The following ATAD5 variants were observed in gnomAD, a reference collection of about 807,000 sequenced individuals.
ATAD5 encodes the protein ATPase family AAA domain-containing protein 5.
ATAD5 carries 58 observed loss-of-function variants against 176.9 expected under a neutral mutation model. The observed-to-expected ratio is 0.33, with a 90% confidence interval of 0.27 to 0.41. The LOEUF (loss-of-function observed/expected upper bound fraction) is 0.41. ATAD5 is among the 10% of genes least tolerant of loss of function. The pLI is 1.00. For missense variants in ATAD5, 1,789 were observed against 2,094.1 expected, an observed-to-expected ratio of 0.85 and a Z score of 2.84; for synonymous variants, 640 against 712.6, an observed-to-expected ratio of 0.90 and a Z score of 1.62.
intron 4 of ATAD5, 30 bp downstream of exon 4, chr17:30,840,811 AT>A: frequency 6.4e-7 from 1 of 1,570,020 alleles, no homozygotes; most frequent in African/African-American, 1.4e-5. Context: ...GTTGGTATAA[AT>A]TCTCTCCTAT....
intron 18 of ATAD5, among the ~76,000 whole-genome samples, chr17:30,884,417 T>TTCTTC: frequency 7.2e-6 from 1 of 138,054 alleles, no homozygotes; most frequent in Non-Finnish European, 1.5e-5. Flanking sequence ...TATATTTCTT[T>TTCTTC]TCTTTTCTTT....
At chr17:30,882,385 G>A (rs752188713) in intron 18 of ATAD5, among the ~76,000 whole-genome samples, 4 of 152,010 alleles carry the variant, frequency 2.6e-5, no homozygotes, top group Non-Finnish European at 5.9e-5. Flanking sequence ...CAACATTGGC[G>A]AAATCCTGTC....
intron 19 of ATAD5, among the ~76,000 whole-genome samples, chr17:30,890,418 C>CTTTTTTTTTTTTTT (rs968126768): frequency 9.4e-6 from 1 of 106,722 alleles, no homozygotes; most frequent in Non-Finnish European, 1.9e-5. Context: ...CTCTTCTTTT[C>CTTTTTTTTTTTTTT]TTTTTTTTTT....
rs1396689738 is a variant in ATAD5, at chr17:30,835,391, T to C, written c.1310T>C (p.Val437Ala). The C allele has an allele frequency of 6.2e-7, 1 of 1,609,446 alleles. No individual in the cohort carries two copies. The highest frequency in any genetic ancestry group is 8.5e-7 in the Non-Finnish European group (1 of 1,178,866). Residue 437 changes from valine (V) to alanine (A), a missense_variant, in exon 2 of 23, where the codon GTA becomes GCA. Transcript: ENST00000321990. ...KDLNEKCLYEVGRDDNSKKIM... is the reference protein window; with the variant it reads ...KDLNEKCLYEAGRDDNSKKIM... ...CTTAATGAAAAATGTCTATATGAAGTAGGAAGAGATGATAATTCTAAAAAA... is the reference window on the plus strand; with the variant it reads ...CTTAATGAAAAATGTCTATATGAAGCAGGAAGAGATGATAATTCTAAAAAA...
At position 30,835,081 on chromosome 17, in the gene ATAD5, A is replaced by C. The variant is rs749330684; in HGVS notation, c.1000A>C (p.Lys334Gln). ...VLAQVHPIPP[K>Q]KTGKIPRIFL... ...TGCACAGGTTCACCCTATTCCGCCC[A>C]AAAAGACAGGGAAAATACCCCGAAT... Residue 334 changes from lysine (K) to glutamine (Q), a missense_variant, in exon 2 of 23, where the codon AAA becomes CAA. Transcript: ENST00000321990. The C allele has an allele frequency of 6.2e-7, 1 of 1,614,066 alleles. No individual in the cohort carries two copies. Among genetic ancestry groups the C allele is most frequent in the Non-Finnish European group, 8.5e-7 (1 of 1,179,988 alleles).
chr17:30,837,255 A>G lies in ATAD5; in HGVS notation c.2017A>G (p.Asn673Asp), dbSNP rs754911141. Residue 673 changes from asparagine (N) to aspartate (D), a missense_variant, in exon 3 of 23, where the codon AAC (asparagine) becomes GAC (aspartate). This residue lies in a region of ATAD5 where 487 missense variants were observed against 573.6 expected (regional missense o/e 0.85). Transcript: ENST00000321990. The stretch of plus-strand genomic sequence containing the variant: ...TCCCAAAAAATCTAAGAAAAAATCT[A>G]ACAAAAGATCTGAGAAATCTGAAGC... The part of the protein sequence containing the change: ...STPKKSKKKS[N>D]KRSEKSEATD... 1 of 1,580,676 alleles carries G rather than the reference A, an allele frequency of 6.3e-7. No homozygotes were observed. The highest frequency in any genetic ancestry group is 1.2e-5 in the South Asian group (1 of 83,372).
intron 18 of ATAD5, among the ~76,000 whole-genome samples, chr17:30,884,202 A>C (rs1909180325): frequency 6.7e-6 from 1 of 149,998 alleles, no homozygotes; most frequent in African/African-American, 2.5e-5. Flanking sequence ...CTCTGTTGCC[A>C]GGCTGGAGTG....
In ATAD5 at chr17:30,869,875, A is replaced by G. The variant is rs1351628567; in HGVS notation, c.3607+229A>G. 8 of 490,874 alleles carry G rather than the reference A, an allele frequency of 1.6e-5. No individual in the cohort carries two copies. In the East Asian group the frequency reaches 3.3e-4, roughly 20 times the overall value. The allele number at this position is 490,874 out of a possible 1,614,324, so 30.4% of individuals were successfully genotyped here. A position where few individuals can be genotyped will look rare whatever the true frequency, so the allele number is the denominator to read the frequency against. On this transcript the variant is annotated intron_variant, in intron 14 of 22. Transcript: ENST00000321990. ...TGATAAGGACTTTTAAAAAAGCATA[A>G]CTATAATATCGTAATCAGACCCAAC...
intron 18 of ATAD5, among the ~76,000 whole-genome samples, chr17:30,884,269 C>G (rs879586990): frequency 6.6e-6 from 1 of 150,724 alleles, no homozygotes; most frequent in African/African-American, 2.4e-5. Flanking sequence ...AATTCTCCTG[C>G]CTCAGCCTCC....
rs1202147732 is a variant in ATAD5, at chr17:30,895,019, TAAAC to T, written c.*113_*116del. 11 of 676,856 alleles carry T rather than the reference TAAAC, an allele frequency of 1.6e-5. 1 individual carries two copies. The highest frequency in any genetic ancestry group is 6.5e-5 in the East Asian group (2 of 30,828). The allele number at this position is 676,856 out of a possible 1,614,324, so 41.9% of individuals were successfully genotyped here. A position where few individuals can be genotyped will look rare whatever the true frequency, so the allele number is the denominator to read the frequency against. ...AAAGTATATTTCTCGATGTACATTTTAAACAAACAATTTGTATATTTTTTTATTG... is the reference window on the plus strand; with the variant it reads ...AAAGTATATTTCTCGATGTACATTTTAAACAATTTGTATATTTTTTTATTG... On this transcript the variant is annotated 3_prime_UTR_variant, in exon 23 of 23. Transcript: ENST00000321990.
At chr17:30,844,805 G>C (rs773798028) in intron 5 of ATAD5, 30 bp from the exon 6 acceptor site, 1 of 702,592 alleles carries the variant, frequency 1.4e-6, no homozygotes, top group Non-Finnish European at 2.4e-6. Context: ...GGTAAACATT[G>C]ATACTAACCC....
chr17:30,889,477 GTATA>G (rs200413318), intron 19 of ATAD5, among the ~76,000 whole-genome samples: 1 of 150,110 alleles, frequency 6.7e-6, no homozygotes, highest in East Asian at 1.9e-4. Context: ...TTCTATATGA[GTATA>G]TATATATATA....
At position 30,895,341 on chromosome 17, in the gene ATAD5, C is replaced by G. The variant is rs918239103; in HGVS notation, c.*428C>G. On this transcript the variant is annotated 3_prime_UTR_variant, in exon 23 of 23. Coordinates refer to ENST00000321990, the MANE Select transcript of ATAD5 (RefSeq NM_024857.5). ...GGCTTTACAAAAACAAAAACATTAT[C>G]TGGTGAATTATATTTTTAACCTAAA... 1 of 151,534 alleles carries G rather than the reference C, an allele frequency of 6.6e-6. No homozygotes were observed. Among genetic ancestry groups the G allele is most frequent in the Non-Finnish European group, 1.5e-5 (1 of 68,308 alleles). The allele number at this position is 151,534 out of a possible 1,614,324, so 9.4% of individuals were successfully genotyped here.
At chr17:30,880,029 C>G (rs1036405556) in intron 18 of ATAD5, among the ~76,000 whole-genome samples, 3 of 151,428 alleles carry the variant, frequency 2.0e-5, no homozygotes, top group Admixed American at 6.6e-5. Context: ...AGGCCAGGCA[C>G]AGTTGCTCAT....
chr17:30,890,491 G>A (rs1386923312), intron 19 of ATAD5, among the ~76,000 whole-genome samples: 12 of 140,586 alleles, frequency 8.5e-5, no homozygotes, highest in African/African-American at 2.1e-4. Flanking sequence ...GCACGATCTC[G>A]GTTTGCTGCA....
At chr17:30,833,204 A>G (rs1210282099) in intron 1 of ATAD5, among the ~76,000 whole-genome samples, 1 of 151,208 alleles carries the variant, frequency 6.6e-6, no homozygotes, top group Non-Finnish European at 1.5e-5. Context: ...TTGTCTACTT[A>G]GTTGTTATGC....
chr17:30,865,479 T>TA (rs1476932714), intron 10 of ATAD5, among the ~76,000 whole-genome samples: 2 of 152,166 alleles, frequency 1.3e-5, no homozygotes, highest in African/African-American at 4.8e-5. Flanking sequence ...GCTAACACTT[T>TA]AATATTTTAA....
chr17:30,867,008 G>A (rs772543231), intron 11 of ATAD5, among the ~76,000 whole-genome samples: 1 of 151,818 alleles, frequency 6.6e-6, no homozygotes, highest in Non-Finnish European at 1.5e-5. Flanking sequence ...ACAGTTAATA[G>A]CGTGAACTTG....
chr17:30,893,589 T>A lies in ATAD5; in HGVS notation c.4736T>A (p.Phe1579Tyr), dbSNP rs1909749782. The A allele has an allele frequency of 2.5e-6, 4 of 1,613,910 alleles. No individual in the cohort carries two copies. The highest frequency in any genetic ancestry group is 1.7e-5 in the Admixed American group (1 of 59,994). Residue 1579 changes from phenylalanine (F) to tyrosine (Y), a missense_variant, in exon 21 of 23, where the codon TTT (phenylalanine) becomes TAT (tyrosine). This residue lies in a region of ATAD5 where 403 missense variants were observed against 495.1 expected (regional missense o/e 0.81). Transcript: ENST00000321990. Reference sequence around the variant, plus strand: ...GTAATATTAGATGATAGTGATCTATTTGACACTGACTTGGACTTTCCTGAT... The same window carrying A: ...GTAATATTAGATGATAGTGATCTATATGACACTGACTTGGACTTTCCTGAT... Reference protein sequence around the residue: ...TLVILDDSDLFDTDLDFPDQS... With the variant: ...TLVILDDSDLYDTDLDFPDQS...
Sources: allele counts gnomAD v4.1 joint callset (sites outside exome capture counted in the v4.1 genomes callset), GRCh38; gene constraint gnomAD v4.1.1; regional missense constraint gnomAD v4.1.1; transcripts MANE v1.5; gene names NCBI Gene and HGNC (gene_info 2026-07-23, HGNC 2026-07-21).